CTNND2: variants seen among roughly 807,000 people sequenced by gnomAD.
CTNND2 encodes the protein catenin delta-2.
In CTNND2, 22 loss-of-function variants were observed where a neutral mutation model predicts 144.4. The ratio of observed to expected loss-of-function variants is 0.15; its 90% CI spans 0.11 to 0.22. The LOEUF (loss-of-function observed/expected upper bound fraction) is 0.22. Among genes scored for constraint, CTNND2 ranks in the 10% least tolerant of loss-of-function variants. The pLI is 1.00. For missense variants in CTNND2, 1,353 were observed against 1,618.8 expected, an observed-to-expected ratio of 0.84 and a Z score of 2.82; for synonymous variants, 751 against 695.6, an observed-to-expected ratio of 1.08 and a Z score of -1.25.
chr5:11,267,341 A>C (rs1312771715), intron 9 of CTNND2, among the ~76,000 whole-genome samples: 1 of 152,004 alleles, frequency 6.6e-6, no homozygotes, highest in African/African-American at 2.4e-5. Flanking sequence ...ATGGGGTTTG[A>C]CCTCATCAGT....
intron 9 of CTNND2, among the ~76,000 whole-genome samples, chr5:11,302,963 C>T (rs1464472832): frequency 6.6e-6 from 1 of 152,178 alleles, no homozygotes; most frequent in African/African-American, 2.4e-5. Flanking sequence ...CCAGAGTGTT[C>T]AGACCCACAG....
intron 15 of CTNND2, among the ~76,000 whole-genome samples, chr5:11,094,323 A>G (rs1265428676): frequency 6.6e-6 from 1 of 152,160 alleles, no homozygotes; most frequent in East Asian, 1.9e-4. Context: ...CTCGCAGAGT[A>G]GATGGAACAG....
rs568927884 is a variant in CTNND2 at position 11,903,834 on chromosome 5, G to A, written c.20C>T (p.Pro7Leu). The A allele has an allele frequency of 6.1e-6, 9 of 1,482,420 alleles. No homozygotes were observed. The African/African-American group carries it at 7.3e-5, about 12-fold the overall frequency. 91.8% of individuals were successfully genotyped at this position (1,482,420 alleles called of 1,614,324 possible). A position where few individuals can be genotyped will look rare whatever the true frequency, so the allele number is the denominator to read the frequency against. The change falls in exon 1 of 22, where the codon CCG (proline) becomes CTG (leucine). Residue 7 changes from proline to leucine, a missense_variant. Pro to Leu is a moderately conservative substitution (Grantham distance 98, BLOSUM62 -3). This residue lies in a region of CTNND2 where 708 missense variants were observed against 706.4 expected (regional missense o/e 1.00). Transcript: ENST00000304623. The surrounding 1 kb of genome is among the most constrained non-coding windows in gnomAD (Gnocchi z 5.4). ...CAACTCACCCAAAGGCGCGGCGCCC[G>A]GCGGCTTCCTCGCAAACATGCACCC... MFARKP[P>L]GAAPLGAMPV... is the part of the protein sequence containing the mutation.
intron 9 of CTNND2, among the ~76,000 whole-genome samples, chr5:11,246,732 T>TG (rs1360875798): frequency 2.0e-4 from 2 of 10,030 alleles, no homozygotes; most frequent in Non-Finnish European, 4.4e-4. Context: ...GGTGGGGGGG[T>TG]GGGGGGTGGT....
intron 1 of CTNND2, among the ~76,000 whole-genome samples, chr5:11,891,317 T>C (rs1736940393): frequency 6.6e-6 from 1 of 152,176 alleles, no homozygotes; most frequent in Non-Finnish European, 1.5e-5. Flanking sequence ...CTTCATATTA[T>C]CCATCAGGAA....
intron 2 of CTNND2, among the ~76,000 whole-genome samples, chr5:11,649,906 T>C (rs1782558632): frequency 6.6e-6 from 1 of 152,198 alleles, no homozygotes; most frequent in Non-Finnish European, 1.5e-5. Context: ...ATTATAATCA[T>C]TTCACAGAAA....
chr5:11,505,672 A>G (rs916142115), intron 3 of CTNND2, among the ~76,000 whole-genome samples: 1 of 152,146 alleles, frequency 6.6e-6, no homozygotes. Flanking sequence ...ATCTGCCCAT[A>G]TCTTTTTTCA....
intron 15 of CTNND2, among the ~76,000 whole-genome samples, chr5:11,089,530 A>G (rs930210297): frequency 5.3e-5 from 8 of 152,198 alleles, no homozygotes; most frequent in African/African-American, 1.9e-4. Flanking sequence ...TTTGGCCCAC[A>G]GTTGGAGATT....
At chr5:11,371,034 A>G (rs1049762959) in intron 7 of CTNND2, among the ~76,000 whole-genome samples, 4 of 152,248 alleles carry the variant, frequency 2.6e-5, no homozygotes, top group Admixed American at 6.5e-5. Context: ...GGGAACTTCT[A>G]TAGAGAAGGG....
chr5:11,495,232 TCAC>T (rs1769816702), intron 3 of CTNND2, among the ~76,000 whole-genome samples: 1 of 152,182 alleles, frequency 6.6e-6, no homozygotes, highest in African/African-American at 2.4e-5. Flanking sequence ...AGTCAAATGG[TCAC>T]CTTTATTAAT....
chr5:11,518,556 C>T (rs1449788354), intron 3 of CTNND2, among the ~76,000 whole-genome samples: 1 of 152,222 alleles, frequency 6.6e-6, no homozygotes, highest in Non-Finnish European at 1.5e-5. Flanking sequence ...TCACCACTCA[C>T]AGACTCATCC....
chr5:11,011,541 GGAGA>G (rs983376920), intron 18 of CTNND2, among the ~76,000 whole-genome samples: 2 of 152,126 alleles, frequency 1.3e-5, no homozygotes, highest in Admixed American at 1.3e-4. Context: ...TAATTCATTC[GGAGA>G]GATACTGAGT....
At chr5:11,441,840 A>C (rs891637231) in intron 3 of CTNND2, among the ~76,000 whole-genome samples, 1 of 152,078 alleles carries the variant, frequency 6.6e-6, no homozygotes, top group Non-Finnish European at 1.5e-5. Context: ...TATTAACAAG[A>C]TATTTTCGCC....
chr5:11,454,172 A>G (rs1174105009), intron 3 of CTNND2, among the ~76,000 whole-genome samples: 1 of 152,214 alleles, frequency 6.6e-6, no homozygotes, highest in Non-Finnish European at 1.5e-5. Context: ...CTGTAGCCCC[A>G]GCACTTGGAG....
At chr5:10,980,671 G>A (rs911261538) in intron 21 of CTNND2, among the ~76,000 whole-genome samples, 2 of 152,156 alleles carry the variant, frequency 1.3e-5, no homozygotes, top group East Asian at 3.9e-4. Flanking sequence ...ATGATAGACT[G>A]GATAAAGAAA....
At chr5:11,711,620 T>A (rs1273227404) in intron 2 of CTNND2, among the ~76,000 whole-genome samples, 1 of 152,212 alleles carries the variant, frequency 6.6e-6, no homozygotes, top group Admixed American at 6.5e-5. Context: ...ATTCTTACAA[T>A]TCTGCGAGAT....
intron 12 of CTNND2, among the ~76,000 whole-genome samples, chr5:11,136,990 C>CT (rs1455049323): frequency 2.0e-5 from 3 of 152,218 alleles, no homozygotes; most frequent in Non-Finnish European, 4.4e-5. Flanking sequence ...ATGTTACCTG[C>CT]TTACTGCCTC....
At chr5:11,741,758 TTA>T (rs1276683156) in intron 1 of CTNND2, among the ~76,000 whole-genome samples, 4 of 148,118 alleles carry the variant, frequency 2.7e-5, no homozygotes, top group East Asian at 1.9e-4. Flanking sequence ...TTCATGTATA[TTA>T]TATATATAAT....
At chr5:11,401,253 A>C (rs1303253503) in intron 5 of CTNND2, among the ~76,000 whole-genome samples, 1 of 152,238 alleles carries the variant, frequency 6.6e-6, no homozygotes, top group East Asian at 1.9e-4. Flanking sequence ...AGTATTTTAG[A>C]GTTTCCATGA....
Sources: allele counts gnomAD v4.1 joint callset (sites outside exome capture counted in the v4.1 genomes callset), GRCh38; gene constraint gnomAD v4.1.1; regional missense constraint gnomAD v4.1.1; non-coding constraint Gnocchi (gnomAD v3.1); transcripts MANE v1.5; gene names NCBI Gene and HGNC (gene_info 2026-07-23, HGNC 2026-07-21).